Variants in SEPTIN8 observed in about 807,000 individuals in gnomAD.
SEPTIN8 encodes the protein septin 8.
In SEPTIN8, 22 loss-of-function variants were observed where a neutral mutation model predicts 53.1. The observed-to-expected ratio is 0.41, with a 90% CI of 0.30 to 0.59. The LOEUF is 0.59. Among genes scored for constraint, SEPTIN8 ranks in the 20% least tolerant of loss-of-function variants. SEPTIN8 has a pLI of 0.24. For missense variants in SEPTIN8, 536 were observed against 638.7 expected (o/e 0.84, Z 1.73); for synonymous variants, 228 against 248.4 (o/e 0.92, Z 0.77).
chr5:132,752,248 G>A, intron 9 of SEPTIN8, 67 bp from the exon 10 acceptor site: 1 of 1,516,078 alleles, frequency 6.6e-7, no homozygotes, highest in Non-Finnish European at 8.9e-7. Flanking sequence ...CCCTTTAGCT[G>A]ACACACTCTG....
chr5:132,776,992 G>T lies in SEPTIN8; in HGVS notation c.30+116C>A. The T allele has an allele frequency of 1.7e-6, 1 of 605,324 alleles. No individual in the cohort carries two copies. Among genetic ancestry groups the T allele is most frequent in the Non-Finnish European group, 2.2e-6 (1 of 449,500 alleles). 37.5% of individuals were successfully genotyped at this position (605,324 alleles called of 1,614,324 possible). ...GCCGGGGTCCTCGAGCTGGCCCGGT[G>T]TCGAGGCCCGGCCGTGAGGCGCTGA... On this transcript the variant is annotated intron_variant, in intron 1 of 9. Transcript: ENST00000378719. This position sits in a 1 kb window ranked among gnomAD's most constrained non-coding sequence, Gnocchi z 4.4.
At chr5:132,771,765 G>A (rs1322514519) in intron 1 of SEPTIN8, among the ~76,000 whole-genome samples, 1 of 152,048 alleles carries the variant, frequency 6.6e-6, no homozygotes, top group Non-Finnish European at 1.5e-5. Flanking sequence ...CCTTGAGCCT[G>A]AGAGGAATCC....
upstream of SEPTIN8, chr5:132,777,271 C>T: frequency 2.7e-6 from 3 of 1,120,180 alleles, no homozygotes; most frequent in Non-Finnish European, 3.3e-6. This position sits in a 1 kb window ranked among gnomAD's most constrained non-coding sequence, Gnocchi z 4.1. Flanking sequence ...TGGAAACTCC[C>T]CTTGGCGGCG....
rs1756066649 is a variant in SEPTIN8, at chr5:132,762,334, G to A, written c.696+150C>T. The A allele has an allele frequency of 5.5e-5, 41 of 744,800 alleles. No homozygotes were observed. The South Asian group carries it at 7.5e-4, about 14-fold the overall frequency. 46.1% of individuals were successfully genotyped at this position (744,800 alleles called of 1,614,324 possible). A position where few individuals can be genotyped will look rare whatever the true frequency, so the allele number is the denominator to read the frequency against. On this transcript the variant is annotated intron_variant, in intron 5 of 9. Transcript: ENST00000378719. ...TTCCTGTCCCCTGCCCACAGATGTA[G>A]GACTGGCCAGCTCCAGATGCCCACC...
At chr5:132,769,898 G>A (rs570874329) in intron 1 of SEPTIN8, among the ~76,000 whole-genome samples, 24 of 148,276 alleles carry the variant, frequency 1.6e-4, no homozygotes, top group South Asian at 6.5e-4. Context: ...GTTCCACAAC[G>A]CCAGCCAACT....
In SEPTIN8 at chr5:132,773,365, G is replaced by T. The variant is rs1330275851; in HGVS notation, c.30+3743C>A. Among the ~76,000 whole-genome samples the T allele has an allele frequency of 6.6e-6, 1 of 152,236 alleles. No individual in the cohort carries two copies. The highest frequency in any genetic ancestry group is 1.5e-5 in the Non-Finnish European group (1 of 68,034). ...ACACACAGAGGCCAGCTGGCCCTCA[G>T]GCCCTTTGCTCTACCATCCTGCAGC... On this transcript the variant is annotated intron_variant, in intron 1 of 9. Coordinates refer to ENST00000378719, the MANE Select transcript of SEPTIN8 (RefSeq NM_001098811.2). This position sits in a 1 kb window ranked among gnomAD's most constrained non-coding sequence, Gnocchi z 4.2.
chr5:132,752,759 T>A (rs1754963720), intron 9 of SEPTIN8: 2 of 878,808 alleles, frequency 2.3e-6, no homozygotes, highest in Non-Finnish European at 3.6e-6. Flanking sequence ...AGTTGGGTGG[T>A]TGGACCTTCC....
At chr5:132,768,621 A>C (rs1756871556) in intron 1 of SEPTIN8, among the ~76,000 whole-genome samples, 1 of 152,246 alleles carries the variant, frequency 6.6e-6, no homozygotes, top group African/African-American at 2.4e-5. Flanking sequence ...CAGGTGACCC[A>C]GTGGCTACCA....
intron 9 of SEPTIN8, chr5:132,758,479 TG>T (rs761303590): frequency 1.9e-6 from 3 of 1,610,808 alleles, no homozygotes; most frequent in Non-Finnish European, 2.5e-6. Context: ...GCATCCCGGC[TG>T]GGGCCTTCGC....
At position 132,751,851 on chromosome 5, in the gene SEPTIN8, G is replaced by A. The variant is rs1046385753; in HGVS notation, c.*165C>T. 3 of 1,256,826 alleles carry A rather than the reference G, an allele frequency of 2.4e-6. No individual in the cohort carries two copies. Among genetic ancestry groups the A allele is most frequent in the African/African-American group, 1.5e-5 (1 of 67,296 alleles). The allele number at this position is 1,256,826 out of a possible 1,614,324, so 77.9% of individuals were successfully genotyped here. On this transcript the variant is annotated 3_prime_UTR_variant, in exon 10 of 10. Coordinates refer to ENST00000378719, the MANE Select transcript of SEPTIN8 (RefSeq NM_001098811.2). ...CGGAGCCATGGATAGGAATGAAAAG[G>A]GTTGGGCAACATTTGATGTTCCCTG...
Position 132,773,046 on chromosome 5 carries a change from G to A in SEPTIN8, c.30+4062C>T, listed in dbSNP as rs1295324036. Reference sequence around the variant, plus strand: ...CCAAGAACATGTAGGGCAACTGCACGCAGAGCCAAGATGCCCCCTGCCCCG... The same window carrying A: ...CCAAGAACATGTAGGGCAACTGCACACAGAGCCAAGATGCCCCCTGCCCCG... On this transcript the variant is annotated intron_variant, in intron 1 of 9. Coordinates refer to ENST00000378719, the MANE Select transcript of SEPTIN8 (RefSeq NM_001098811.2). The surrounding 1 kb of genome is among the most constrained non-coding windows in gnomAD (Gnocchi z 4.2). 2.6e-5 allele frequency among the ~76,000 whole-genome samples: 4 copies of A among 152,194 alleles called. No homozygotes were observed. The highest frequency in any genetic ancestry group is 6.5e-5 in the Admixed American group (1 of 15,290).
intron 9 of SEPTIN8, chr5:132,754,123 C>A: frequency 2.7e-6 from 1 of 364,118 alleles, no homozygotes; most frequent in South Asian, 4.1e-5. Flanking sequence ...CACACTTTTG[C>A]TTGTTGGTGC....
intron 9 of SEPTIN8, among the ~76,000 whole-genome samples, chr5:132,755,680 A>G (rs1755263242): frequency 6.6e-6 from 1 of 152,162 alleles, no homozygotes; most frequent in Non-Finnish European, 1.5e-5. Flanking sequence ...CCTTTGTGTT[A>G]AGGAGGAACA....
intron 9 of SEPTIN8, among the ~76,000 whole-genome samples, chr5:132,755,581 T>C (rs1755252282): frequency 6.6e-6 from 1 of 152,212 alleles, no homozygotes; most frequent in South Asian, 2.1e-4. Context: ...TCCCTAATCA[T>C]AGGATTAGGA....
At chr5:132,753,766 C>G (rs1755065118) in intron 9 of SEPTIN8, 1 of 152,376 alleles carries the variant, frequency 6.6e-6, no homozygotes. Flanking sequence ...CAAGCCTGCT[C>G]CAACCACAGT....
In SEPTIN8 at chr5:132,750,867, A is replaced by G. The variant is rs144622226; in HGVS notation, c.*1149T>C. 5.6e-6 allele frequency: 9 copies of G among 1,613,278 alleles called. No individual in the cohort carries two copies. The highest frequency in any genetic ancestry group is 5.9e-6 in the Non-Finnish European group (7 of 1,179,860). On this transcript the variant is annotated 3_prime_UTR_variant, in exon 10 of 10. Coordinates refer to ENST00000378719, the MANE Select transcript of SEPTIN8 (RefSeq NM_001098811.2). ...ATTTTCTTTTTACAGTTTATTCCACAAGTAAAAGACTTCACAAAGCACTAT... is the reference window on the plus strand; with the variant it reads ...ATTTTCTTTTTACAGTTTATTCCACGAGTAAAAGACTTCACAAAGCACTAT...
Position 132,752,157 on chromosome 5 carries a change from C to G in SEPTIN8, c.1311G>C (p.Gln437His). The change falls in exon 10 of 10, where the codon CAG becomes CAC. Residue 437 changes from glutamine to histidine, a missense_variant. Physicochemically the swap from Gln to His is conservative, Grantham distance 24. Coordinates refer to ENST00000378719, the MANE Select transcript of SEPTIN8 (RefSeq NM_001098811.2). ...KKNRSDIGAH[Q>H]PGMSLSSSKV... is the part of the protein sequence containing the mutation. ...TAGAGCTGGAGAGGCTCATGCCCGGCTGGTGTGCTCCTATATCTGATCTGC... is the reference window on the plus strand; with the variant it reads ...TAGAGCTGGAGAGGCTCATGCCCGGGTGGTGTGCTCCTATATCTGATCTGC... 6.3e-7 allele frequency: 1 copy of G among 1,591,010 alleles called. No individual in the cohort carries two copies. Among genetic ancestry groups the G allele is most frequent in the Non-Finnish European group, 8.6e-7 (1 of 1,167,618 alleles).
chr5:132,752,925 T>G, intron 9 of SEPTIN8: 1 of 1,614,162 alleles, frequency 6.2e-7, no homozygotes, highest in Non-Finnish European at 8.5e-7. Context: ...TGAGAAGTCT[T>G]CAGTCATCCT....
Position 132,751,158 on chromosome 5 carries a change from G to C in SEPTIN8, c.*858C>G. 1.5e-6 allele frequency: 1 copy of C among 678,722 alleles called. No individual in the cohort carries two copies. The allele number at this position is 678,722 out of a possible 1,614,324, so 42.0% of individuals were successfully genotyped here. ...CTCATGACATACGGAAGAGTGAAAAGGTATCTTAAATCCAACACAGTTCCA... is the reference window on the plus strand; with the variant it reads ...CTCATGACATACGGAAGAGTGAAAACGTATCTTAAATCCAACACAGTTCCA... On this transcript the variant is annotated 3_prime_UTR_variant, in exon 10 of 10. Coordinates refer to ENST00000378719, the MANE Select transcript of SEPTIN8 (RefSeq NM_001098811.2).
Sources: gnomAD v4.1 joint callset for allele counts (sites outside exome capture counted in the v4.1 genomes callset) on GRCh38, gnomAD v4.1.1 for gene constraint, Gnocchi (gnomAD v3.1) non-coding constraint, MANE v1.5 for transcripts, NCBI Gene and HGNC (gene_info 2026-07-23, HGNC 2026-07-21) for gene names.